Variants in RGS9 observed in about 807,000 individuals in gnomAD.
RGS9 encodes the protein regulator of G protein signaling 9.
A neutral mutation model predicts 102.0 loss-of-function variants in RGS9; 78 were observed. That is an observed-to-expected ratio of 0.76 (90% CI 0.64 to 0.92). The LOEUF (loss-of-function observed/expected upper bound fraction) is 0.92, where lower values mean the gene tolerates loss of function less well. Ranked by LOEUF, RGS9 falls within the 40% of genes least tolerant of loss-of-function variation. RGS9 has a pLI of 0.00. For synonymous variants in RGS9, 353 were observed against 318.6 expected, an observed-to-expected ratio of 1.11 and a Z score of -1.15; for missense variants, 833 against 866.1, an observed-to-expected ratio of 0.96 and a Z score of 0.48.
chr17:65,185,024 C>A (rs1912056891), intron 9 of RGS9, among the ~76,000 whole-genome samples: 3 of 152,114 alleles, frequency 2.0e-5, no homozygotes. Context: ...GCATGTACCA[C>A]CATCCATACT....
chr17:65,147,587 C>CTTTTTTTTTTTTTTT (rs36062784), intron 1 of RGS9, among the ~76,000 whole-genome samples: 2 of 103,704 alleles, frequency 1.9e-5, no homozygotes, highest in African/African-American at 9.5e-5. Flanking sequence ...CTTTTAAAAA[C>CTTTTTTTTTTTTTTT]TTTTTTTTTT....
chr17:65,199,446 C>G (rs987365063), intron 13 of RGS9, among the ~76,000 whole-genome samples: 1 of 146,160 alleles, frequency 6.8e-6, no homozygotes. Flanking sequence ...ATAATGTTTT[C>G]AAGGCTTGTC....
rs376225444 is a variant in RGS9 at position 65,193,567 on chromosome 17, C to T, written c.771C>T (p.Phe257=). ...LGGIVKYSEQ[F]SSNDAIMSGC... Reference sequence around the variant, plus strand: ...GGATTGTGAAATACAGTGAGCAGTTCTCATCCAACGATGCCATCATGTCAG... The same window carrying T: ...GGATTGTGAAATACAGTGAGCAGTTTTCATCCAACGATGCCATCATGTCAG... The change falls in exon 12 of 19, where the codon TTC becomes TTT. Residue 257 remains phenylalanine (F), a synonymous_variant. Transcript: ENST00000262406. 36 of 1,612,948 alleles carry T rather than the reference C, an allele frequency of 2.2e-5. No homozygotes were observed. The highest frequency in any genetic ancestry group is 2.9e-5 in the Non-Finnish European group (34 of 1,179,034).
At chr17:65,155,057 A>G (rs1421126476) in intron 2 of RGS9, among the ~76,000 whole-genome samples, 1 of 152,228 alleles carries the variant, frequency 6.6e-6, no homozygotes, top group African/African-American at 2.4e-5. Context: ...TTGTTGGAGC[A>G]AAAGGGGAAG....
intron 8 of RGS9, among the ~76,000 whole-genome samples, chr17:65,175,263 G>A (rs942520143): frequency 6.6e-6 from 1 of 152,000 alleles, no homozygotes; most frequent in African/African-American, 2.4e-5. Flanking sequence ...GTATGTATGA[G>A]AGTGTGTGGG....
At chr17:65,189,873 C>T (rs1053792113) in intron 10 of RGS9, among the ~76,000 whole-genome samples, 1 of 152,086 alleles carries the variant, frequency 6.6e-6, no homozygotes, top group African/African-American at 2.4e-5. Flanking sequence ...CTGCCAGAGA[C>T]ATGTGAGGGA....
At chr17:65,200,162 G>A (rs1912773005) in intron 13 of RGS9, among the ~76,000 whole-genome samples, 1 of 152,112 alleles carries the variant, frequency 6.6e-6, no homozygotes, top group Non-Finnish European at 1.5e-5. Flanking sequence ...CTCCTGAGTA[G>A]CTGGGATTAG....
At chr17:65,182,407 T>C (rs541607115) in intron 9 of RGS9, among the ~76,000 whole-genome samples, 2 of 152,354 alleles carry the variant, frequency 1.3e-5, no homozygotes, top group East Asian at 3.9e-4. Context: ...GATGGCCACG[T>C]TGACCTCCGT....
At chr17:65,153,600 CTT>C in intron 2 of RGS9, 82 bp downstream of exon 2, 2 of 1,241,924 alleles carry the variant, frequency 1.6e-6, no homozygotes, top group South Asian at 1.2e-5. Context: ...TTGTAAAAAA[CTT>C]TATTTTTGGC....
chr17:65,225,308 G>T lies in RGS9; in HGVS notation c.1714G>T (p.Ala572Ser), dbSNP rs561742242. The change falls in exon 18 of 19, where the codon GCC becomes TCC. Residue 572 changes from alanine to serine, a missense_variant. This residue lies in a region of RGS9 where 320 missense variants were observed against 276.8 expected (regional missense o/e 1.16). Transcript: ENST00000262406. ...DTSWPRSRPR[A>S]PPKARMALSF... is the part of the protein sequence containing the mutation. ...CTCCTGGCCTCGCAGCCGGCCCAGGGCCCCTCCTAAGGCCCGCATGGCTCT... is the reference window on the plus strand; with the variant it reads ...CTCCTGGCCTCGCAGCCGGCCCAGGTCCCCTCCTAAGGCCCGCATGGCTCT... The T allele has an allele frequency of 6.2e-7, 1 of 1,609,972 alleles. No homozygotes were observed. The highest frequency in any genetic ancestry group is 8.5e-7 in the Non-Finnish European group (1 of 1,179,988).
chr17:65,162,987 G>A (rs753170762), intron 6 of RGS9, 26 bp from the exon 7 acceptor site: 1 of 1,289,012 alleles, frequency 7.8e-7, no homozygotes, highest in Non-Finnish European at 1.1e-6. Context: ...GGGGCTTTCT[G>A]TTCTCATTTT....
chr17:65,147,586 A>AATTTT (rs1291313430), intron 1 of RGS9, among the ~76,000 whole-genome samples: 1 of 94,878 alleles, frequency 1.1e-5, no homozygotes, highest in African/African-American at 7.8e-5. Flanking sequence ...TCTTTTAAAA[A>AATTTT]CTTTTTTTTT....
chr17:65,209,686 C>T (rs1598617991), intron 16 of RGS9, among the ~76,000 whole-genome samples: 1 of 152,190 alleles, frequency 6.6e-6, no homozygotes, highest in African/African-American at 2.4e-5. Flanking sequence ...AGCCCACCAG[C>T]CCTCTTCAGG....
chr17:65,158,710 A>T (rs923818496), intron 3 of RGS9: 3 of 384,112 alleles, frequency 7.8e-6, no homozygotes, highest in Middle Eastern at 8.6e-4. Context: ...ATGGTTTAGA[A>T]ATGGAATGAG....
intron 17 of RGS9, among the ~76,000 whole-genome samples, chr17:65,216,762 C>A (rs944225450): frequency 6.6e-6 from 1 of 152,136 alleles, no homozygotes; most frequent in African/African-American, 2.4e-5. Flanking sequence ...ATAACGGATG[C>A]AGAACTGAAT....
intron 1 of RGS9, among the ~76,000 whole-genome samples, chr17:65,140,839 G>C (rs1253568970): frequency 6.6e-6 from 1 of 151,282 alleles, no homozygotes; most frequent in African/African-American, 2.4e-5. Flanking sequence ...ACAAGTTCTT[G>C]CCACTACACT....
At chr17:65,225,646 A>C in intron 18 of RGS9, 160 bp downstream of exon 18, 2 of 1,025,044 alleles carry the variant, frequency 2.0e-6, no homozygotes, top group Admixed American at 4.1e-5. Context: ...ATATTCAGAA[A>C]CTCAGTTTTG....
At chr17:65,225,851 T>C (rs954838414) in intron 18 of RGS9, among the ~76,000 whole-genome samples, 1 of 152,234 alleles carries the variant, frequency 6.6e-6, no homozygotes, top group Admixed American at 6.5e-5. Flanking sequence ...CAGTGGGAGC[T>C]GCAGGTGTTG....
chr17:65,217,751 A>G (rs1463019767), intron 17 of RGS9, among the ~76,000 whole-genome samples: 2 of 152,108 alleles, frequency 1.3e-5, no homozygotes, highest in Non-Finnish European at 2.9e-5. Flanking sequence ...AGAATAATTG[A>G]TAAGAGAAAG....
Sources: allele counts gnomAD v4.1 joint callset (sites outside exome capture counted in the v4.1 genomes callset), GRCh38; gene constraint gnomAD v4.1.1; regional missense constraint gnomAD v4.1.1; transcripts MANE v1.5; gene names NCBI Gene and HGNC (gene_info 2026-07-23, HGNC 2026-07-21).